Variants in CD2AP observed in about 807,000 individuals in gnomAD.
CD2AP encodes CD2 associated protein, also known as CD2-associated protein.
In CD2AP, 46 loss-of-function variants were observed where a neutral mutation model predicts 85.1. The observed-to-expected ratio is 0.54, with a 90% CI of 0.43 to 0.69. The LOEUF is 0.69. Ranked by LOEUF, CD2AP falls within the 30% of genes least tolerant of loss-of-function variation. The pLI, the probability that CD2AP is intolerant of heterozygous loss-of-function variation, is 0.00. For synonymous variants in CD2AP, 255 were observed against 252.9 expected (o/e 1.01, Z -0.08); for missense variants, 769 against 729.5 (o/e 1.05, Z -0.62).
At chr6:47,548,632 A>G (rs1194270979) in intron 4 of CD2AP, among the ~76,000 whole-genome samples, 4 of 152,166 alleles carry the variant, frequency 2.6e-5, no homozygotes, top group African/African-American at 9.7e-5. Flanking sequence ...CAGACATTCA[A>G]ATAATTGGTA....
At chr6:47,581,259 CTTCTT>C (rs1192355419) in intron 10 of CD2AP, among the ~76,000 whole-genome samples, 4 of 152,090 alleles carry the variant, frequency 2.6e-5, no homozygotes, top group African/African-American at 9.7e-5. Flanking sequence ...TTTATGTACT[CTTCTT>C]TTCAGGGAAT....
intron 1 of CD2AP, among the ~76,000 whole-genome samples, chr6:47,480,502 G>A (rs186339752): frequency 9.5e-4 from 145 of 152,294 alleles, no homozygotes; most frequent in Non-Finnish European, 1.6e-3. Flanking sequence ...CATGGGCTCT[G>A]GACAGAGACT....
chr6:47,594,158 T>C (rs1768873938), intron 11 of CD2AP, among the ~76,000 whole-genome samples: 1 of 152,070 alleles, frequency 6.6e-6, no homozygotes, highest in African/African-American at 2.4e-5. Flanking sequence ...AGGGTTATCT[T>C]CTGGGGTGTT....
rs1275532978 is a variant in CD2AP at position 47,624,498 on chromosome 6, A to G, written c.*271A>G. On this transcript the variant is annotated 3_prime_UTR_variant, in exon 18 of 18. Transcript: ENST00000359314. ...TTGCTTGAAAATACTACTGAATATA[A>G]ATAAGAATGTGCACAGTAGTTTTTT... 4.9e-6 allele frequency: 2 copies of G among 408,032 alleles called. No individual in the cohort carries two copies. Among genetic ancestry groups the G allele is most frequent in the Non-Finnish European group, 8.8e-6 (2 of 228,054 alleles). 25.3% of individuals were successfully genotyped at this position (408,032 alleles called of 1,614,324 possible).
intron 1 of CD2AP, among the ~76,000 whole-genome samples, chr6:47,484,770 T>C (rs1279511085): frequency 6.6e-6 from 1 of 152,204 alleles, no homozygotes; most frequent in Non-Finnish European, 1.5e-5. Context: ...TAGTGCCTTA[T>C]TAGTGCCTCT....
chr6:47,573,484 G>T lies in CD2AP; in HGVS notation c.542-580G>T, dbSNP rs71546659. 3.3e-3 allele frequency among the ~76,000 whole-genome samples: 313 copies of T among 94,758 alleles called. 1 individual carries two copies. Among genetic ancestry groups the T allele is most frequent in the Non-Finnish European group, 4.9e-3 (239 of 48,994 alleles). 62.2% of individuals were successfully genotyped at this position (94,758 alleles called of 152,430 possible). On this transcript the variant is annotated intron_variant, in intron 5 of 17. Transcript: ENST00000359314. ...AAAGCTATAAATTGACATGCTGTGT[G>T]TTTTTTTTTTTTTTTTTTTTTTGAG...
chr6:47,538,697 T>G (rs1218441635), intron 3 of CD2AP, among the ~76,000 whole-genome samples: 1 of 152,204 alleles, frequency 6.6e-6, no homozygotes, highest in African/African-American at 2.4e-5. Flanking sequence ...AACCTCCCAC[T>G]TCTTATTGGG....
intron 10 of CD2AP, 131 bp from the exon 11 acceptor site, chr6:47,581,872 C>A: frequency 1.5e-6 from 1 of 666,172 alleles, no homozygotes; most frequent in East Asian, 2.8e-5. Context: ...AATTCCGGTA[C>A]ATTGTTCTTT....
intron 11 of CD2AP, among the ~76,000 whole-genome samples, chr6:47,593,713 T>C (rs1768861968): frequency 6.6e-6 from 1 of 152,050 alleles, no homozygotes; most frequent in African/African-American, 2.4e-5. Context: ...CTGGTGCAAA[T>C]AGAAAATGTT....
chr6:47,553,486 ACAG>A (rs1767584418), intron 4 of CD2AP, among the ~76,000 whole-genome samples: 1 of 148,458 alleles, frequency 6.7e-6, no homozygotes, highest in Non-Finnish European at 1.5e-5. Context: ...AGATGGGACT[ACAG>A]GTGTGCACCA....
chr6:47,607,923 T>A lies in CD2AP; in HGVS notation c.1531-4T>A. 1 of 1,605,242 alleles carries A rather than the reference T, an allele frequency of 6.2e-7. No homozygotes were observed. Among genetic ancestry groups the A allele is most frequent in the Non-Finnish European group, 8.5e-7 (1 of 1,172,938 alleles). ...TGTCTCTTGACTTCTAAAAAATCATTTAGCCAACTCACAGCCCCGAAAAAA... is the reference window on the plus strand; with the variant it reads ...TGTCTCTTGACTTCTAAAAAATCATATAGCCAACTCACAGCCCCGAAAAAA... On this transcript the variant is annotated splice_polypyrimidine_tract_variant and splice_region_variant and intron_variant, in intron 14 of 17. Transcript: ENST00000359314.
At chr6:47,561,565 T>C (rs1055980386) in intron 5 of CD2AP, among the ~76,000 whole-genome samples, 1 of 152,156 alleles carries the variant, frequency 6.6e-6, no homozygotes, top group South Asian at 2.1e-4. Context: ...CTGAGCCTGC[T>C]TAGTGGATTA....
At chr6:47,540,981 T>G (rs1032921238) in intron 3 of CD2AP, among the ~76,000 whole-genome samples, 32 of 152,198 alleles carry the variant, frequency 2.1e-4, no homozygotes, top group African/African-American at 7.7e-4. Flanking sequence ...TTTCAAGAGA[T>G]GAGAAGTTTT....
chr6:47,566,323 T>TATATACACACAC lies in CD2AP; in HGVS notation c.542-7740_542-7739insTATACACACACA. 2.3e-4 allele frequency among the ~76,000 whole-genome samples: 25 copies of TATATACACACAC among 107,574 alleles called. 1 individual carries two copies. The highest frequency in any genetic ancestry group is 3.9e-4 in the Non-Finnish European group (18 of 46,146). The allele number at this position is 107,574 out of a possible 152,430, so 70.6% of individuals were successfully genotyped here. A position where few individuals can be genotyped will look rare whatever the true frequency, so the allele number is the denominator to read the frequency against. ...TAGAATATATATATATATATATATA[T>TATATACACACAC]ACACATACACATATATATATATGTA... On this transcript the variant is annotated intron_variant, in intron 5 of 17. Coordinates refer to ENST00000359314, the MANE Select transcript of CD2AP (RefSeq NM_012120.3).
At chr6:47,541,461 C>T (rs761165939) in intron 3 of CD2AP, among the ~76,000 whole-genome samples, 11 of 152,064 alleles carry the variant, frequency 7.2e-5, no homozygotes, top group Non-Finnish European at 1.3e-4. Context: ...ATAAAAACTA[C>T]AATAAAAAAT....
chr6:47,504,834 C>T (rs1333099712), intron 2 of CD2AP, among the ~76,000 whole-genome samples: 1 of 151,760 alleles, frequency 6.6e-6, no homozygotes, highest in Non-Finnish European at 1.5e-5. Flanking sequence ...AGAGTGCAAT[C>T]GCATTATATT....
chr6:47,483,544 G>C (rs1561997600), intron 1 of CD2AP, among the ~76,000 whole-genome samples: 1 of 152,150 alleles, frequency 6.6e-6, no homozygotes, highest in African/African-American at 2.4e-5. Context: ...ACAAAAGTGA[G>C]CTTAGTTATT....
chr6:47,580,785 A>G, intron 9 of CD2AP, 79 bp from the exon 10 acceptor site: 3 of 932,954 alleles, frequency 3.2e-6, no homozygotes, highest in Non-Finnish European at 5.2e-6. Context: ...TATAATTTAG[A>G]TTATTACTAA....
intron 2 of CD2AP, among the ~76,000 whole-genome samples, chr6:47,511,864 T>G (rs1244897274): frequency 7.7e-6 from 1 of 130,312 alleles, no homozygotes; most frequent in Non-Finnish European, 1.7e-5. Context: ...TCAACTCTAC[T>G]AAAATACAAA....
Sources: allele counts gnomAD v4.1 joint callset (sites outside exome capture counted in the v4.1 genomes callset), GRCh38; gene constraint gnomAD v4.1.1; transcripts MANE v1.5; gene names NCBI Gene and HGNC (gene_info 2026-07-23, HGNC 2026-07-21).